The following AASDHPPT variants were observed in gnomAD, a reference collection of about 807,000 sequenced individuals.
AASDHPPT encodes the protein L-aminoadipate-semialdehyde dehydrogenase-phosphopantetheinyl transferase.
A neutral mutation model predicts 36.4 loss-of-function variants in AASDHPPT; 23 were observed. The observed-to-expected ratio is 0.63, with a 90% CI of 0.45 to 0.89. AASDHPPT has a LOEUF of 0.89. Among genes scored for constraint, AASDHPPT ranks in the 40% least tolerant of loss-of-function variants. The pLI is 0.00. For missense variants in AASDHPPT, 377 were observed against 378.2 expected (o/e 1.00, Z 0.03); for synonymous variants, 115 against 128.0 (o/e 0.90, Z 0.68).
intron 4 of AASDHPPT, 61 bp from the exon 5 acceptor site, chr11:106,094,522 C>G (rs1181192558): frequency 3.3e-5 from 42 of 1,260,958 alleles, no homozygotes; most frequent in Non-Finnish European, 4.4e-5. Context: ...AAAATGTAAA[C>G]AAAGTTACAT....
chr11:106,091,076 A>G (rs1240182874), intron 3 of AASDHPPT, among the ~76,000 whole-genome samples: 1 of 152,100 alleles, frequency 6.6e-6, no homozygotes, highest in East Asian at 1.9e-4. Context: ...TGAGGAAGGT[A>G]TTGTTATCAT....
chr11:106,088,552 G>T (rs967262429), intron 2 of AASDHPPT, among the ~76,000 whole-genome samples: 1 of 152,040 alleles, frequency 6.6e-6, no homozygotes, highest in Non-Finnish European at 1.5e-5. Flanking sequence ...TAGATATAGT[G>T]TTCCCAATGT....
rs1017096553 is a variant in AASDHPPT at position 106,090,783 on chromosome 11, A to C, written c.531+105A>C. ...CCAGTAGTGTCCAAACAGTGCTTGAAGTAAATGGGTGATTGCTTGAGAATT... is the reference window on the plus strand; with the variant it reads ...CCAGTAGTGTCCAAACAGTGCTTGACGTAAATGGGTGATTGCTTGAGAATT... On this transcript the variant is annotated intron_variant, in intron 3 of 5. Coordinates refer to ENST00000278618, the MANE Select transcript of AASDHPPT (RefSeq NM_015423.3). 4.3e-6 allele frequency: 6 copies of C among 1,401,536 alleles called. No homozygotes were observed. In the African/African-American group the frequency reaches 9.1e-5, roughly 21 times the overall value. The allele number at this position is 1,401,536 out of a possible 1,614,324, so 86.8% of individuals were successfully genotyped here.
chr11:106,079,792 C>T, intron 2 of AASDHPPT, 100 bp downstream of exon 2: 1 of 1,056,564 alleles, frequency 9.5e-7, no homozygotes, highest in Non-Finnish European at 1.4e-6. Context: ...AGAGATATTT[C>T]AGTTTAGGGA....
At chr11:106,088,090 A>G (rs535788751) in intron 2 of AASDHPPT, among the ~76,000 whole-genome samples, 8 of 152,234 alleles carry the variant, frequency 5.3e-5, no homozygotes, top group African/African-American at 1.7e-4. Context: ...TTGCTGTCAA[A>G]TTTTTTATTT....
chr11:106,078,411 A>G (rs1180434524), intron 1 of AASDHPPT, among the ~76,000 whole-genome samples: 1 of 152,168 alleles, frequency 6.6e-6, no homozygotes, highest in African/African-American at 2.4e-5. Flanking sequence ...GAAGCCAGAG[A>G]GGATACCTTC....
Position 106,077,732 on chromosome 11 carries a change from T to A in AASDHPPT, c.22T>A (p.Phe8Ile), listed in dbSNP as rs1247951549. 1.6e-5 allele frequency: 26 copies of A among 1,613,924 alleles called. No individual in the cohort carries two copies. The highest frequency in any genetic ancestry group is 1.7e-6 in the Non-Finnish European group (2 of 1,179,952). MVFPAKR[F>I]CLVPSMEGVR... ...GTGTATGGTTTTCCCTGCCAAACGGTTCTGCTTGGTGCCATCCATGGAGGG... is the reference window on the plus strand; with the variant it reads ...GTGTATGGTTTTCCCTGCCAAACGGATCTGCTTGGTGCCATCCATGGAGGG... Residue 8 changes from phenylalanine (F) to isoleucine (I), a missense_variant, in exon 1 of 6, where the codon TTC (phenylalanine) becomes ATC (isoleucine). Transcript: ENST00000278618.
chr11:106,093,287 A>C (rs1464007246), intron 4 of AASDHPPT: 1 of 152,210 alleles, frequency 6.6e-6, no homozygotes, highest in Non-Finnish European at 1.5e-5. Context: ...GTTAGTGTAC[A>C]TACACCTCTC....
chr11:106,087,466 A>T (rs1861208433), intron 2 of AASDHPPT, among the ~76,000 whole-genome samples: 1 of 152,282 alleles, frequency 6.6e-6, no homozygotes, highest in African/African-American at 2.4e-5. Flanking sequence ...AAATTTTGGT[A>T]CTTTGAAGCA....
At chr11:106,090,733 A>G (rs1861247471) in intron 3 of AASDHPPT, 55 bp downstream of exon 3, 3 of 1,545,230 alleles carry the variant, frequency 1.9e-6, no homozygotes, top group East Asian at 2.4e-5. Flanking sequence ...CATTATCTTC[A>G]CTTAAAATCA....
intron 2 of AASDHPPT, among the ~76,000 whole-genome samples, chr11:106,085,560 TGACA>T (rs992148544): frequency 1.3e-5 from 2 of 152,218 alleles, no homozygotes; most frequent in South Asian, 2.1e-4. Context: ...GTGGCAAATT[TGACA>T]GACAAAGGTT....
rs566261083 is a variant in AASDHPPT, at chr11:106,098,136, T to G, written c.*1229T>G. The G allele has an allele frequency of 2.0e-5, 3 of 152,278 alleles. No homozygotes were observed. The East Asian group carries it at 5.8e-4, about 29-fold the overall frequency. 9.4% of individuals were successfully genotyped at this position (152,278 alleles called of 1,614,324 possible). ...AATACTCCTTGGTCAATTGTAGGTA[T>G]TCTTTTTGGTTTAATTTTTGCCAAT... On this transcript the variant is annotated 3_prime_UTR_variant, in exon 6 of 6. Transcript: ENST00000278618.
Position 106,091,404 on chromosome 11 carries a change from T to G in AASDHPPT, c.620T>G (p.Leu207Trp). Residue 207 changes from leucine (L) to tryptophan (W), a missense_variant, in exon 4 of 6, where the codon TTG (leucine) becomes TGG (tryptophan). Transcript: ENST00000278618. ...GAATTTGATCTATCTCCATTAAACTTGGATATAGGCCAAGTTTATAAAGAA... is the reference window on the plus strand; with the variant it reads ...GAATTTGATCTATCTCCATTAAACTGGGATATAGGCCAAGTTTATAAAGAA... ...RLEFDLSPLN[L>W]DIGQVYKETR... 6.2e-7 allele frequency: 1 copy of G among 1,609,938 alleles called. No individual in the cohort carries two copies. Among genetic ancestry groups the G allele is most frequent in the South Asian group, 1.1e-5 (1 of 90,344 alleles).
chr11:106,093,897 C>A (rs1861282608), intron 4 of AASDHPPT: 2 of 149,998 alleles, frequency 1.3e-5, no homozygotes, highest in South Asian at 4.3e-4. Context: ...TTACTAAATG[C>A]TTACATACCA....
At chr11:106,087,729 G>T (rs1264487096) in intron 2 of AASDHPPT, among the ~76,000 whole-genome samples, 1 of 152,102 alleles carries the variant, frequency 6.6e-6, no homozygotes, top group Non-Finnish European at 1.5e-5. Context: ...AACATTAGTT[G>T]CTGGGTGGTC....
chr11:106,094,749 T>C, intron 5 of AASDHPPT, 95 bp downstream of exon 5: 1 of 904,376 alleles, frequency 1.1e-6, no homozygotes, highest in Non-Finnish European at 1.6e-6. Context: ...TTATATCAGT[T>C]TAGAGAGATT....
At chr11:106,087,642 T>C (rs1861210171) in intron 2 of AASDHPPT, among the ~76,000 whole-genome samples, 2 of 152,186 alleles carry the variant, frequency 1.3e-5, no homozygotes, top group Admixed American at 1.3e-4. Flanking sequence ...TGGATTTTTT[T>C]CCGTAGGCCT....
intron 2 of AASDHPPT, among the ~76,000 whole-genome samples, chr11:106,085,219 A>G (rs1167899826): frequency 6.6e-6 from 1 of 152,102 alleles, no homozygotes; most frequent in African/African-American, 2.4e-5. Context: ...CTCCTGCCTC[A>G]GCCTCCAGAG....
chr11:106,081,770 A>C (rs1322973222), intron 2 of AASDHPPT, among the ~76,000 whole-genome samples: 1 of 152,090 alleles, frequency 6.6e-6, no homozygotes, highest in Non-Finnish European at 1.5e-5. Context: ...GCTTTTAATA[A>C]ATGATGGTGT....
Sources: gnomAD v4.1 joint callset for allele counts (sites outside exome capture counted in the v4.1 genomes callset) on GRCh38, gnomAD v4.1.1 for gene constraint, MANE v1.5 for transcripts, NCBI Gene and HGNC (gene_info 2026-07-23, HGNC 2026-07-21) for gene names.